APPBP2: variants seen among roughly 807,000 people sequenced by gnomAD.
The protein encoded by APPBP2 is amyloid beta precursor protein binding protein 2, also known as amyloid protein-binding protein 2.
In APPBP2, 15 loss-of-function variants were observed where a neutral mutation model predicts 76.0. The observed-to-expected ratio is 0.20, with a 90% confidence interval of 0.13 to 0.30. The LOEUF (loss-of-function observed/expected upper bound fraction) is 0.30, where lower values mean the gene tolerates loss of function less well. Among genes scored for constraint, APPBP2 ranks in the 10% least tolerant of loss-of-function variants. The probability of loss-of-function intolerance (pLI) is 1.00; values close to 1 mark genes in which losing one functional copy is unlikely to be tolerated. For missense variants in APPBP2, 401 were observed against 687.2 expected (o/e 0.58, Z 4.66); for synonymous variants, 222 against 242.2 (o/e 0.92, Z 0.77).
chr17:60,468,188 T>C (rs1380072727), intron 4 of APPBP2, among the ~76,000 whole-genome samples: 1 of 152,102 alleles, frequency 6.6e-6, no homozygotes, highest in Non-Finnish European at 1.5e-5. Context: ...TAATCACATA[T>C]GGTTAATGGC....
intron 12 of APPBP2, among the ~76,000 whole-genome samples, chr17:60,449,732 T>C (rs2090377722): frequency 6.6e-6 from 1 of 152,056 alleles, no homozygotes; most frequent in Non-Finnish European, 1.5e-5. Flanking sequence ...GATCTAAATA[T>C]AAATAAAGTT....
At chr17:60,489,847 C>G (rs915533288) in intron 3 of APPBP2, among the ~76,000 whole-genome samples, 8 of 148,288 alleles carry the variant, frequency 5.4e-5, no homozygotes, top group Non-Finnish European at 1.0e-4. Context: ...ACCAGTCTGG[C>G]CAACATGGTG....
At chr17:60,492,667 C>T (rs1177985067) in intron 3 of APPBP2, among the ~76,000 whole-genome samples, 2 of 152,144 alleles carry the variant, frequency 1.3e-5, no homozygotes, top group Admixed American at 6.6e-5. Flanking sequence ...CAATTTCTTC[C>T]ATTTGGAATG....
chr17:60,508,547 A>G (rs1181368524), intron 1 of APPBP2, among the ~76,000 whole-genome samples: 1 of 152,228 alleles, frequency 6.6e-6, no homozygotes. Flanking sequence ...GTTTCAAGCT[A>G]GAGTATCAAA....
intron 3 of APPBP2, 85 bp downstream of exon 3, chr17:60,494,381 G>A: frequency 6.7e-7 from 1 of 1,487,744 alleles, no homozygotes; most frequent in Non-Finnish European, 9.1e-7. Flanking sequence ...GTAGACTTTG[G>A]GAAAGCCCTG....
intron 8 of APPBP2, chr17:60,461,457 G>C: frequency 5.3e-6 from 1 of 190,380 alleles, no homozygotes; most frequent in Non-Finnish European, 1.1e-5. Flanking sequence ...GAATGAGTAA[G>C]AAAGACCTAA....
At chr17:60,519,446 CA>C (rs1187878331) in intron 1 of APPBP2, among the ~76,000 whole-genome samples, 5 of 148,748 alleles carry the variant, frequency 3.4e-5, no homozygotes, top group Non-Finnish European at 4.5e-5. Context: ...TCGGTCTCTA[CA>C]AAAAAAAAAT....
intron 1 of APPBP2, among the ~76,000 whole-genome samples, chr17:60,510,724 A>G (rs549620949): frequency 2.0e-5 from 3 of 152,342 alleles, no homozygotes; most frequent in African/African-American, 7.2e-5. Context: ...TCTGGGGAAA[A>G]AAAAATCATC....
At chr17:60,487,636 G>T (rs8078164) in intron 3 of APPBP2, among the ~76,000 whole-genome samples, 1 of 152,070 alleles carries the variant, frequency 6.6e-6, no homozygotes, top group African/African-American at 2.4e-5. Context: ...CGATGGGTTC[G>T]AACATCCTCC....
At position 60,479,228 on chromosome 17, in the gene APPBP2, T is replaced by C; in HGVS notation, c.423A>G (p.Lys141=). ...SDAGWYSDAE[K]VFLSCLQLCT... ...ACAACTGAAGGCAGGACAGAAAAAC[T>C]TTCTCAGCATCACTGTACCAGCCTG... Residue 141 remains lysine, a synonymous_variant, in exon 4 of 13, where the codon AAA becomes AAG. Coordinates refer to ENST00000083182, the MANE Select transcript of APPBP2 (RefSeq NM_006380.5). The C allele has an allele frequency of 6.2e-7, 1 of 1,613,706 alleles. No homozygotes were observed.
chr17:60,491,040 A>G (rs1465408586), intron 3 of APPBP2, among the ~76,000 whole-genome samples: 3 of 152,356 alleles, frequency 2.0e-5, no homozygotes, highest in African/African-American at 7.2e-5. Flanking sequence ...TGTGGAAGCA[A>G]CTTTGGAACT....
Position 60,488,034 on chromosome 17 carries a change from G to A in APPBP2, c.379+6432C>T, listed in dbSNP as rs149894522. Reference sequence around the variant, plus strand: ...TGGGGTATCACCAGCGAAAGCTGCAGAACAGCAAATATTGCAGAACAGCAA... The same window carrying A: ...TGGGGTATCACCAGCGAAAGCTGCAAAACAGCAAATATTGCAGAACAGCAA... On this transcript the variant is annotated intron_variant, in intron 3 of 12. Transcript: ENST00000083182. 8.3e-3 allele frequency among the ~76,000 whole-genome samples: 1,267 copies of A among 152,236 alleles called. 18 individuals are homozygous for A. Among genetic ancestry groups the A allele is most frequent in the African/African-American group, 0.029 (1,185 of 41,470 alleles).
intron 3 of APPBP2, among the ~76,000 whole-genome samples, chr17:60,487,006 A>G (rs1004760313): frequency 6.6e-6 from 1 of 152,204 alleles, no homozygotes; most frequent in Non-Finnish European, 1.5e-5. Context: ...TTCTTTAAGA[A>G]TGTTGAATAT....
intron 9 of APPBP2, among the ~76,000 whole-genome samples, chr17:60,458,667 A>G (rs1234074788): frequency 6.6e-6 from 1 of 152,196 alleles, no homozygotes; most frequent in Non-Finnish European, 1.5e-5. Context: ...ATGTTCCAGT[A>G]AAACATAAAA....
intron 6 of APPBP2, among the ~76,000 whole-genome samples, chr17:60,463,263 G>C (rs78007033): frequency 0.016 from 2,374 of 152,248 alleles, 62 homozygotes; most frequent in African/African-American, 0.053. Flanking sequence ...TATCTGAAAA[G>C]TACATTAATG....
intron 3 of APPBP2, among the ~76,000 whole-genome samples, chr17:60,481,395 A>G (rs1251717468): frequency 6.6e-6 from 1 of 152,236 alleles, no homozygotes; most frequent in Non-Finnish European, 1.5e-5. Context: ...GTTCAAGACC[A>G]GCCTGGGTAA....
intron 1 of APPBP2, among the ~76,000 whole-genome samples, chr17:60,518,467 G>A (rs1285647865): frequency 1.4e-5 from 2 of 143,916 alleles, no homozygotes; most frequent in Non-Finnish European, 3.0e-5. Flanking sequence ...GCCTCTCAAA[G>A]TGCTGGGATT....
chr17:60,520,570 TAAA>T (rs781626784), intron 1 of APPBP2, among the ~76,000 whole-genome samples: 2 of 99,858 alleles, frequency 2.0e-5, no homozygotes, highest in African/African-American at 1.3e-4. Flanking sequence ...AAGACTCTGT[TAAA>T]AAAAAAAAAA....
At chr17:60,489,038 T>C (rs181935900) in intron 3 of APPBP2, among the ~76,000 whole-genome samples, 6 of 150,568 alleles carry the variant, frequency 4.0e-5, no homozygotes, top group East Asian at 2.0e-4. Context: ...CTGCCCAACA[T>C]AGTGAAACCT....
Sources: allele counts gnomAD v4.1 joint callset (sites outside exome capture counted in the v4.1 genomes callset), GRCh38; gene constraint gnomAD v4.1.1; transcripts MANE v1.5; gene names NCBI Gene and HGNC (gene_info 2026-07-23, HGNC 2026-07-21).